Variants in GLG1 observed in about 807,000 individuals in gnomAD.
GLG1 encodes golgi glycoprotein 1, also known as Golgi apparatus protein 1.
A neutral mutation model predicts 160.5 loss-of-function variants in GLG1; 38 were observed. The observed-to-expected ratio is 0.24, with a 90% CI of 0.18 to 0.31. GLG1 has a LOEUF of 0.31. Among genes scored for constraint, GLG1 ranks in the 10% least tolerant of loss-of-function variants. The probability of loss-of-function intolerance (pLI) is 1.00; values close to 1 mark genes in which losing one functional copy is unlikely to be tolerated. For synonymous variants in GLG1, 644 were observed against 543.4 expected (o/e 1.19, Z -2.57); for missense variants, 1,373 against 1,505.2 (o/e 0.91, Z 1.45).
At chr16:74,468,466 C>A (rs187402392) in intron 17 of GLG1, 2 of 158,366 alleles carry the variant, frequency 1.3e-5, no homozygotes, top group Admixed American at 1.2e-4. Context: ...GAATTACAGA[C>A]CTCAAGTGAT....
intron 1 of GLG1, among the ~76,000 whole-genome samples, chr16:74,570,836 T>G (rs914325015): frequency 6.6e-6 from 1 of 152,108 alleles, no homozygotes; most frequent in African/African-American, 2.4e-5. Context: ...TACAGCAAGC[T>G]ACAATCATGC....
intron 8 of GLG1, among the ~76,000 whole-genome samples, chr16:74,489,432 T>C (rs1270897295): frequency 6.6e-6 from 1 of 151,606 alleles, no homozygotes; most frequent in Non-Finnish European, 1.5e-5. Context: ...GGTTGCGCCA[T>C]TACACTCCAG....
intron 24 of GLG1, 24 bp downstream of exon 24, chr16:74,457,850 T>C (rs1302058073): frequency 1.2e-6 from 2 of 1,611,848 alleles, no homozygotes; most frequent in East Asian, 2.2e-5. Context: ...TCAGACAGGA[T>C]CAAGAGTGAA....
At chr16:74,541,773 C>A (rs1384986753) in intron 1 of GLG1, among the ~76,000 whole-genome samples, 1 of 152,034 alleles carries the variant, frequency 6.6e-6, no homozygotes. Context: ...ACATGACACA[C>A]ATGTTTTATT....
intron 15 of GLG1, 89 bp from the exon 16 acceptor site, chr16:74,470,162 A>T: frequency 1.3e-6 from 1 of 790,368 alleles, no homozygotes; most frequent in East Asian, 2.4e-5. Flanking sequence ...AGCTCTCACA[A>T]GCCTGTTTAC....
At chr16:74,541,773 CAT>C (rs776847033) in intron 1 of GLG1, among the ~76,000 whole-genome samples, 25 of 152,034 alleles carry the variant, frequency 1.6e-4, no homozygotes, top group Non-Finnish European at 2.6e-4. Flanking sequence ...ACATGACACA[CAT>C]GTTTTATTGT....
rs140352716 is a variant in GLG1, at chr16:74,474,596, C to T, written c.2002G>A (p.Val668Met). The change falls in exon 13 of 26, where the codon GTG (valine) becomes ATG (methionine). Residue 668 changes from valine (V) to methionine (M), a missense_variant. Val to Met is a conservative substitution (Grantham distance 21, BLOSUM62 1). Around this residue, in one of 4 missense-constraint regions of GLG1, gnomAD observed 386 missense variants for 388.5 expected, o/e 0.99. Coordinates refer to ENST00000422840, the MANE Select transcript of GLG1 (RefSeq NM_001145667.2). ...ECLQDHLDDL[V>M]VECRDIVGNL... ...CCAACTATATCTCTACACTCCACCA[C>T]CAAGTCATCCAGATGGTCCTGAAGG... 11 of 1,586,746 alleles carry T rather than the reference C, an allele frequency of 6.9e-6. No homozygotes were observed. The Admixed American group carries it at 1.7e-4, about 24-fold the overall frequency.
At chr16:74,500,324 T>C (rs993584477) in intron 4 of GLG1, among the ~76,000 whole-genome samples, 1 of 152,158 alleles carries the variant, frequency 6.6e-6, no homozygotes, top group Non-Finnish European at 1.5e-5. Flanking sequence ...TAAATGAACT[T>C]ACAATAATTT....
Position 74,462,099 on chromosome 16 carries a change from C to T in GLG1, c.3031G>A (p.Asp1011Asn). ...GTTTTGCACGCAAATCCCACCTCGT[C>T]TGAGCAGTGCAGCTGGAGCTGAGGA... is the stretch of plus-strand genomic sequence containing the variant. ...LDPQLQLHCS[D>N]EISSLCAEEA... Residue 1011 changes from aspartate to asparagine, a missense_variant, in exon 22 of 26, where the codon GAC becomes AAC. Coordinates refer to ENST00000422840, the MANE Select transcript of GLG1 (RefSeq NM_001145667.2). 1.9e-6 allele frequency: 3 copies of T among 1,568,958 alleles called. No homozygotes were observed. In the South Asian group the frequency reaches 3.3e-5, roughly 17 times the overall value.
At chr16:74,514,167 G>A (rs902180619) in intron 2 of GLG1, among the ~76,000 whole-genome samples, 1 of 152,156 alleles carries the variant, frequency 6.6e-6, no homozygotes, top group Non-Finnish European at 1.5e-5. Flanking sequence ...CATTTGATTG[G>A]TATACCTGAA....
chr16:74,516,798 G>C (rs1028459855), intron 2 of GLG1, among the ~76,000 whole-genome samples: 8 of 152,044 alleles, frequency 5.3e-5, no homozygotes, highest in African/African-American at 1.7e-4. Flanking sequence ...CAACAAAATA[G>C]ATAGACTGCT....
chr16:74,499,357 C>T (rs2016325603), intron 4 of GLG1, among the ~76,000 whole-genome samples: 2 of 152,218 alleles, frequency 1.3e-5, no homozygotes, highest in African/African-American at 2.4e-5. Flanking sequence ...TCTCCTGACT[C>T]AGCCTCCCAA....
At chr16:74,528,319 G>A (rs570017333) in intron 2 of GLG1, among the ~76,000 whole-genome samples, 1 of 151,948 alleles carries the variant, frequency 6.6e-6, no homozygotes, top group African/African-American at 2.4e-5. Flanking sequence ...TTTTTTAAAG[G>A]GGTATTTTTT....
At chr16:74,559,287 A>G (rs1371907482) in intron 1 of GLG1, among the ~76,000 whole-genome samples, 1 of 152,090 alleles carries the variant, frequency 6.6e-6, no homozygotes. Context: ...TTTAAAAAAA[A>G]AAAAACTTAG....
At chr16:74,572,557 G>A (rs1279283584) in intron 1 of GLG1, among the ~76,000 whole-genome samples, 2 of 150,498 alleles carry the variant, frequency 1.3e-5, no homozygotes, top group Non-Finnish European at 3.0e-5. Context: ...ACACCCCAAA[G>A]GACTGGGTTC....
At chr16:74,540,888 C>G (rs117947708) in intron 1 of GLG1, among the ~76,000 whole-genome samples, 2,806 of 152,228 alleles carry the variant, frequency 0.018, 34 homozygotes, top group Non-Finnish European at 0.027. Context: ...TGCTCAGCTG[C>G]CTGAATAAAG....
At chr16:74,524,179 A>T (rs2017262876) in intron 2 of GLG1, among the ~76,000 whole-genome samples, 1 of 152,212 alleles carries the variant, frequency 6.6e-6, no homozygotes, top group Non-Finnish European at 1.5e-5. Context: ...ACTACACTCC[A>T]GCCTGGGTGA....
chr16:74,573,131 A>G (rs1469821539), intron 1 of GLG1, among the ~76,000 whole-genome samples: 1 of 152,184 alleles, frequency 6.6e-6, no homozygotes, highest in Non-Finnish European at 1.5e-5. Flanking sequence ...TCAGACCCAG[A>G]AATAGATAAT....
At chr16:74,595,800 A>G (rs188618021) in intron 1 of GLG1, among the ~76,000 whole-genome samples, 77 of 152,274 alleles carry the variant, frequency 5.1e-4, no homozygotes, top group African/African-American at 1.8e-3. Flanking sequence ...AACCCAATAT[A>G]TCGAAATTTT....
Sources: allele counts gnomAD v4.1 joint callset (sites outside exome capture counted in the v4.1 genomes callset), GRCh38; gene constraint gnomAD v4.1.1; regional missense constraint gnomAD v4.1.1; transcripts MANE v1.5; gene names NCBI Gene and HGNC (gene_info 2026-07-23, HGNC 2026-07-21).